The following DBN1 variants were observed in gnomAD, a reference collection of about 807,000 sequenced individuals.
The protein encoded by DBN1 is drebrin 1, also known as drebrin.
Under a neutral mutation model 83.5 loss-of-function variants are expected in DBN1, and 21 were observed. The observed-to-expected ratio is 0.25, with a 90% CI of 0.18 to 0.36. DBN1 has a LOEUF of 0.36. Among genes scored for constraint, DBN1 ranks in the 10% least tolerant of loss-of-function variants. The pLI is 1.00. For missense variants in DBN1, 874 were observed against 935.7 expected, an observed-to-expected ratio of 0.93 and a Z score of 0.86; for synonymous variants, 381 against 384.9, an observed-to-expected ratio of 0.99 and a Z score of 0.12.
chr5:177,467,844 T>C lies in DBN1; in HGVS notation c.256-27A>G. On this transcript the variant is annotated intron_variant, in intron 3 of 14. Coordinates refer to ENST00000393565, the MANE Select transcript of DBN1 (RefSeq NM_001363541.2). This position sits in a 1 kb window ranked among gnomAD's most constrained non-coding sequence, Gnocchi z 9.1. ...TGCAAAGTACCCAGCAAAGAGGGGGTCAGGAAAGGACAAGGGGGGCCCTAC... is the reference window on the plus strand; with the variant it reads ...TGCAAAGTACCCAGCAAAGAGGGGGCCAGGAAAGGACAAGGGGGGCCCTAC... 1 of 1,575,630 alleles carries C rather than the reference T, an allele frequency of 6.3e-7. No individual in the cohort carries two copies. Among genetic ancestry groups the C allele is most frequent in the Non-Finnish European group, 8.6e-7 (1 of 1,161,350 alleles).
Position 177,467,977 on chromosome 5 carries a change from C to T in DBN1, c.255+131G>A. 2 of 1,212,064 alleles carry T rather than the reference C, an allele frequency of 1.7e-6. No homozygotes were observed. The highest frequency in any genetic ancestry group is 2.4e-6 in the Non-Finnish European group (2 of 833,428). The allele number at this position is 1,212,064 out of a possible 1,614,324, so 75.1% of individuals were successfully genotyped here. On this transcript the variant is annotated intron_variant, in intron 3 of 14. Coordinates refer to ENST00000393565, the MANE Select transcript of DBN1 (RefSeq NM_001363541.2). The surrounding 1 kb of genome is among the most constrained non-coding windows in gnomAD (Gnocchi z 9.1). ...CTGCTCTGGGCCTTCAGTTCCCTTC[C>T]CCAGCCCCGGCCGCATACCCAGTTG...
At position 177,466,851 on chromosome 5, in the gene DBN1, G is replaced by A; in HGVS notation, c.708-16C>T. On this transcript the variant is annotated splice_polypyrimidine_tract_variant and intron_variant, in intron 7 of 14. Coordinates refer to ENST00000393565, the MANE Select transcript of DBN1 (RefSeq NM_001363541.2). The surrounding 1 kb of genome is among the most constrained non-coding windows in gnomAD (Gnocchi z 4.8). ...CTGTTTCCTCCTGGAACGATAAGCA[G>A]CCAGCACCCGTCAGGGTGCGCCCGG... The A allele has an allele frequency of 6.2e-7, 1 of 1,614,040 alleles. No homozygotes were observed.
chr5:177,465,816 T>C (rs1392510587), intron 8 of DBN1, among the ~76,000 whole-genome samples: 3 of 150,230 alleles, frequency 2.0e-5, no homozygotes, highest in Admixed American at 6.6e-5. Flanking sequence ...GATCACGCCA[T>C]TGCATTCTAC....
chr5:177,459,648 A>G lies in DBN1; in HGVS notation c.1048T>C (p.Tyr350His). 6.3e-7 allele frequency: 1 copy of G among 1,583,516 alleles called. No homozygotes were observed. The highest frequency in any genetic ancestry group is 8.6e-7 in the Non-Finnish European group (1 of 1,165,322). Residue 350 changes from tyrosine (Y) to histidine (H), a missense_variant, in exon 11 of 15, where the codon TAT (tyrosine) becomes CAT (histidine). This residue lies in a region of DBN1 where 725 missense variants were observed against 719.7 expected (regional missense o/e 1.01). Transcript: ENST00000393565. ...SSSPPRTPFP[Y>H]ITCHRTPNLS... Reference sequence around the variant, plus strand: ...TTTGGGGTGCGGTGGCAGGTGATATAGGGAAAGGGAGTCCGTGGAGGGGAG... The same window carrying G: ...TTTGGGGTGCGGTGGCAGGTGATATGGGGAAAGGGAGTCCGTGGAGGGGAG...
At chr5:177,461,184 C>T (rs1454439281) in intron 8 of DBN1, among the ~76,000 whole-genome samples, 10 of 144,926 alleles carry the variant, frequency 6.9e-5, no homozygotes, top group South Asian at 4.4e-4. Flanking sequence ...CTGCAAGCTC[C>T]GCCTCCCGGG....
rs1268287465 is a variant in DBN1, at chr5:177,467,087, G to C, written c.556-25C>G. The C allele has an allele frequency of 6.2e-7, 1 of 1,613,296 alleles. No individual in the cohort carries two copies. The highest frequency in any genetic ancestry group is 1.7e-5 in the Admixed American group (1 of 60,018). ...TCTGCAAGCCCCGGTGCGAACAAGGGTAGGCCCCGAGCCTAGGCGCCTGGA... is the reference window on the plus strand; with the variant it reads ...TCTGCAAGCCCCGGTGCGAACAAGGCTAGGCCCCGAGCCTAGGCGCCTGGA... On this transcript the variant is annotated intron_variant, in intron 6 of 14. Transcript: ENST00000393565. The surrounding 1 kb of genome is among the most constrained non-coding windows in gnomAD (Gnocchi z 9.1).
At position 177,464,872 on chromosome 5, in the gene DBN1, A is replaced by G. The variant is rs565438339; in HGVS notation, c.771+1900T>C. 1.1e-3 allele frequency among the ~76,000 whole-genome samples: 159 copies of G among 146,344 alleles called. 1 individual carries two copies. The highest frequency in any genetic ancestry group is 1.6e-3 in the Non-Finnish European group (104 of 66,136). On this transcript the variant is annotated intron_variant, in intron 8 of 14. Coordinates refer to ENST00000393565, the MANE Select transcript of DBN1 (RefSeq NM_001363541.2). ...GGAAAATCACTTAAACCTGGGAGGC[A>G]GGCCGGGTGCAGTGGCTCACGCCTG...
Position 177,457,522 on chromosome 5 carries a change from A to G in DBN1, c.2018-19T>C, listed in dbSNP as rs1406344266. 1 of 1,612,640 alleles carries G rather than the reference A, an allele frequency of 6.2e-7. No individual in the cohort carries two copies. Among genetic ancestry groups the G allele is most frequent in the Admixed American group, 1.7e-5 (1 of 60,014 alleles). ...TCGATCTCTGTGGCGTTAGAAAGGG[A>G]GAGGAGTTAGGGACCTAGCAGACCG... On this transcript the variant is annotated intron_variant, in intron 14 of 14. Coordinates refer to ENST00000393565, the MANE Select transcript of DBN1 (RefSeq NM_001363541.2).
rs890077419 is a variant in DBN1, at chr5:177,466,466, C to T, written c.771+306G>A. 6.6e-6 allele frequency among the ~76,000 whole-genome samples: 1 copy of T among 152,214 alleles called. No individual in the cohort carries two copies. Among genetic ancestry groups the T allele is most frequent in the African/African-American group, 2.4e-5 (1 of 41,450 alleles). On this transcript the variant is annotated intron_variant, in intron 8 of 14. Coordinates refer to ENST00000393565, the MANE Select transcript of DBN1 (RefSeq NM_001363541.2). This position sits in a 1 kb window ranked among gnomAD's most constrained non-coding sequence, Gnocchi z 4.8. ...GGCCCCTCAGAGTGCAGAACAGTGTCTAATCGCCGAGAAACCCCAGGGCAG... is the reference window on the plus strand; with the variant it reads ...GGCCCCTCAGAGTGCAGAACAGTGTTTAATCGCCGAGAAACCCCAGGGCAG...
chr5:177,464,603 C>CAATAAATA (rs58012739), intron 8 of DBN1, among the ~76,000 whole-genome samples: 2,406 of 138,306 alleles, frequency 0.017, 24 homozygotes, highest in Middle Eastern at 0.04. Context: ...ACTAAAAAGA[C>CAATAAATA]AATAAATAAA....
intron 8 of DBN1, among the ~76,000 whole-genome samples, chr5:177,464,134 A>AAAAT (rs769085289): frequency 1.5e-4 from 22 of 151,028 alleles, no homozygotes; most frequent in South Asian, 4.2e-4. Context: ...TAAATAAATA[A>AAAAT]AAATAAATAA....
chr5:177,459,577 C>A, intron 11 of DBN1, 26 bp downstream of exon 11: 2 of 1,476,020 alleles, frequency 1.4e-6, no homozygotes, highest in Non-Finnish European at 1.8e-6. Flanking sequence ...TTACCACCCC[C>A]GCCGAGGCCT....
At chr5:177,460,118 G>A (rs778872387) in intron 10 of DBN1, among the ~76,000 whole-genome samples, 4 of 152,216 alleles carry the variant, frequency 2.6e-5, no homozygotes, top group Non-Finnish European at 5.9e-5. Flanking sequence ...CATGCATTCC[G>A]GCCTTCCAGG....
At chr5:177,469,463 C>T (rs768065125) in intron 1 of DBN1, among the ~76,000 whole-genome samples, 2 of 152,186 alleles carry the variant, frequency 1.3e-5, no homozygotes, top group East Asian at 1.9e-4. Flanking sequence ...CCTGGGGACC[C>T]GCCCTCAGCC....
Position 177,459,182 on chromosome 5 carries a change from CA to C in DBN1, c.1179del (p.Val394SerfsTer5). The C allele has an allele frequency of 6.2e-7, 1 of 1,611,208 alleles. No individual in the cohort carries two copies. Among genetic ancestry groups the C allele is most frequent in the Non-Finnish European group, 8.5e-7 (1 of 1,178,942 alleles). On this transcript the variant is annotated frameshift_variant, in exon 12 of 15. Coordinates refer to ENST00000393565, the MANE Select transcript of DBN1 (RefSeq NM_001363541.2). LOFTEE classifies it high-confidence loss of function. ...AGGGCCCGCTCTATCTGCTCAGCGACAGGGGTGGAGGCGGTGCTGGAGTCAG... is the reference window on the plus strand; with the variant it reads ...AGGGCCCGCTCTATCTGCTCAGCGACGGGGTGGAGGCGGTGCTGGAGTCAG... ...SPSDSSTAST[P>X]VAEQIERALD...
intron 14 of DBN1, 45 bp from the exon 15 acceptor site, chr5:177,457,548 C>A: frequency 6.3e-7 from 1 of 1,583,942 alleles, no homozygotes; most frequent in Non-Finnish European, 8.7e-7. Flanking sequence ...TAGCAGACCG[C>A]TTGTGTCCCC....
At chr5:177,458,995 A>G (rs1756791172) in intron 12 of DBN1, 103 bp downstream of exon 12, 1 of 1,513,246 alleles carries the variant, frequency 6.6e-7, no homozygotes, top group Admixed American at 2.3e-5. Flanking sequence ...AGTCTTGGTG[A>G]TGGGTGGCCC....
intron 8 of DBN1, among the ~76,000 whole-genome samples, chr5:177,464,707 C>T (rs536931105): frequency 9.1e-4 from 138 of 151,712 alleles, no homozygotes; most frequent in African/African-American, 3.2e-3. Flanking sequence ...TTTGTGAGGC[C>T]GGCGGGTGGA....
chr5:177,468,193 T>C lies in DBN1; in HGVS notation c.170A>G (p.His57Arg). 1 of 1,614,168 alleles carries C rather than the reference T, an allele frequency of 6.2e-7. No individual in the cohort carries two copies. ...GEGGLQELSG[H>R]FENQKVMYGF... The stretch of plus-strand genomic sequence containing the variant: ...GTACATCACCTTCTGGTTCTCAAAG[T>C]GTCCCGAAAGCTCCTGCAAGCCCCC... The change falls in exon 3 of 15, where the codon CAC (histidine) becomes CGC (arginine). Residue 57 changes from histidine (H) to arginine (R), a missense_variant. His to Arg is a conservative substitution (Grantham distance 29). This residue lies in a region of DBN1 where 82 missense variants were observed against 101.7 expected (regional missense o/e 0.81). Coordinates refer to ENST00000393565, the MANE Select transcript of DBN1 (RefSeq NM_001363541.2).
Sources: allele counts gnomAD v4.1 joint callset (sites outside exome capture counted in the v4.1 genomes callset), GRCh38; gene constraint gnomAD v4.1.1; regional missense constraint gnomAD v4.1.1; non-coding constraint Gnocchi (gnomAD v3.1); transcripts MANE v1.5; gene names NCBI Gene and HGNC (gene_info 2026-07-23, HGNC 2026-07-21).